GASK1B: variants seen among roughly 807,000 people sequenced by gnomAD.
The protein encoded by GASK1B is golgi associated kinase 1B.
In GASK1B, 34 loss-of-function variants were observed where a neutral mutation model predicts 42.8. The ratio of observed to expected loss-of-function variants is 0.79; its 90% CI spans 0.60 to 1.06. The LOEUF (loss-of-function observed/expected upper bound fraction) is 1.06, where lower values mean the gene tolerates loss of function less well. GASK1B is among the 50% of genes least tolerant of loss of function. The pLI is 0.00. For missense variants in GASK1B, 686 were observed against 661.0 expected (o/e 1.04, Z -0.42); for synonymous variants, 262 against 259.1 (o/e 1.01, Z -0.11).
chr4:158,139,287 T>C (rs985199617), intron 3 of GASK1B, among the ~76,000 whole-genome samples: 4 of 152,202 alleles, frequency 2.6e-5, no homozygotes, highest in African/African-American at 2.4e-5. Context: ...CATTATACTT[T>C]ATACAGTGCA....
intron 3 of GASK1B, among the ~76,000 whole-genome samples, chr4:158,137,415 C>T (rs1003177938): frequency 5.3e-5 from 8 of 152,098 alleles, no homozygotes; most frequent in Non-Finnish European, 7.4e-5. Context: ...CAGTGAGAAT[C>T]GTTATCATTA....
intron 3 of GASK1B, among the ~76,000 whole-genome samples, chr4:158,139,245 A>C (rs73857591): frequency 0.022 from 3,277 of 152,324 alleles, 101 homozygotes; most frequent in African/African-American, 0.073. Context: ...GCCTCTAAGA[A>C]TGATTCACTG....
chr4:158,171,948 T>C (rs1036316932), intron 1 of GASK1B, among the ~76,000 whole-genome samples: 2 of 152,216 alleles, frequency 1.3e-5, no homozygotes, highest in Non-Finnish European at 2.9e-5. Flanking sequence ...TAATACTCTA[T>C]ACCTATACCA....
Position 158,170,804 on chromosome 4 carries a change from C to T in GASK1B, c.572G>A (p.Gly191Glu), listed in dbSNP as rs1298223690. The T allele has an allele frequency of 6.2e-7, 1 of 1,614,084 alleles. No individual in the cohort carries two copies. The highest frequency in any genetic ancestry group is 1.3e-5 in the African/African-American group (1 of 74,942). The change falls in exon 2 of 5, where the codon GGG becomes GAG. Residue 191 changes from glycine to glutamate, a missense_variant. Coordinates refer to ENST00000585682, the MANE Select transcript of GASK1B (RefSeq NM_001128424.2). ...GCTGGGCTGCAGGAAGTCTGGGCCC[C>T]CGGCTCGCACTCCCGGACCCCGCAC... is the stretch of plus-strand genomic sequence containing the variant. Reference protein sequence around the residue: ...RLVRGPGVRAGGPDFLQPSSR... With the variant: ...RLVRGPGVRAEGPDFLQPSSR...
intron 2 of GASK1B, chr4:158,169,934 T>G: frequency 2.9e-6 from 1 of 346,714 alleles, no homozygotes; most frequent in Non-Finnish European, 5.2e-6. Flanking sequence ...TCTTTTTATT[T>G]GTTAAATAAA....
At chr4:158,154,178 A>G (rs1489309209) in intron 3 of GASK1B, among the ~76,000 whole-genome samples, 1 of 151,716 alleles carries the variant, frequency 6.6e-6, no homozygotes, top group East Asian at 1.9e-4. Flanking sequence ...AAAAAAAAAA[A>G]AAAGAAACCA....
chr4:158,149,389 C>T (rs1253040360), intron 3 of GASK1B, among the ~76,000 whole-genome samples: 1 of 152,104 alleles, frequency 6.6e-6, no homozygotes, highest in Admixed American at 6.5e-5. Flanking sequence ...AATGGAGCTT[C>T]CCTCAATAGA....
intron 3 of GASK1B, among the ~76,000 whole-genome samples, chr4:158,131,427 T>C (rs192647573): frequency 6.6e-6 from 1 of 152,320 alleles, no homozygotes. Context: ...AGTTACTTCA[T>C]TGCCACAAAA....
chr4:158,127,913 A>C (rs1730523797), intron 4 of GASK1B, among the ~76,000 whole-genome samples: 1 of 152,194 alleles, frequency 6.6e-6, no homozygotes, highest in Non-Finnish European at 1.5e-5. Flanking sequence ...TTAGATTGGC[A>C]GAAATACTTT....
intron 3 of GASK1B, among the ~76,000 whole-genome samples, chr4:158,144,085 T>G (rs910527232): frequency 2.0e-5 from 3 of 152,186 alleles, no homozygotes; most frequent in Non-Finnish European, 4.4e-5. Flanking sequence ...GATCTGTATA[T>G]GTACTTATTT....
rs568159974 is a variant in GASK1B, at chr4:158,170,154, T to C, written c.910+312A>G. On this transcript the variant is annotated intron_variant, in intron 2 of 4. Coordinates refer to ENST00000585682, the MANE Select transcript of GASK1B (RefSeq NM_001128424.2). ...CCAGCCTAGCTTCCTCTCCTCATCA[T>C]GCAAATTGCCGTTGGCTTTAATTAG... The C allele has an allele frequency of 1.6e-5, 22 of 1,412,020 alleles. No homozygotes were observed. The East Asian group carries it at 4.9e-4, about 32-fold the overall frequency. 87.5% of individuals were successfully genotyped at this position (1,412,020 alleles called of 1,614,324 possible).
In GASK1B at chr4:158,171,265, G is replaced by T. The variant is rs1269154239; in HGVS notation, c.111C>A (p.Asn37Lys). ...TGGCACACGCAGTGCCCAGCAGAAG[G>T]TTTCTCCGGGTCCTTGGACGCCGGC... is the stretch of plus-strand genomic sequence containing the variant. ...WSSRRPRTRR[N>K]LLLGTACAIY... is the part of the protein sequence containing the mutation. Residue 37 changes from asparagine to lysine, a missense_variant, in exon 2 of 5, where the codon AAC becomes AAA. By Grantham distance (94) the Asn-to-Lys change is moderately conservative (BLOSUM62 0). Transcript: ENST00000585682. The T allele has an allele frequency of 6.2e-7, 1 of 1,613,988 alleles. No homozygotes were observed. The highest frequency in any genetic ancestry group is 1.7e-5 in the Admixed American group (1 of 60,030).
At chr4:158,170,103 C>A (rs1732408874) in intron 2 of GASK1B, 1 of 810,080 alleles carries the variant, frequency 1.2e-6, no homozygotes, top group Non-Finnish European at 1.9e-6. Context: ...TAATAGTATG[C>A]CTGACTGTCA....
intron 2 of GASK1B, among the ~76,000 whole-genome samples, chr4:158,160,168 G>GACTT (rs1731917647): frequency 2.0e-5 from 3 of 152,118 alleles, no homozygotes; most frequent in African/African-American, 7.2e-5. Context: ...AAACTTGAGT[G>GACTT]GCATCTTTGT....
chr4:158,139,021 C>T (rs4691462), intron 3 of GASK1B, among the ~76,000 whole-genome samples: 133,844 of 152,188 alleles, frequency 0.88, 60,081 homozygotes, highest in East Asian at 0.98. Context: ...TATAGCACTT[C>T]ACATTAAAAG....
chr4:158,150,824 C>T lies in GASK1B; in HGVS notation c.1125+4787G>A, dbSNP rs980385564. On this transcript the variant is annotated intron_variant, in intron 3 of 4. Coordinates refer to ENST00000585682, the MANE Select transcript of GASK1B (RefSeq NM_001128424.2). ...GAACTTGGTGGCTGCTGACCACCTC[C>T]TTGCCAAGTCAAATGTCTTACTCCC... Among the ~76,000 whole-genome samples the T allele has an allele frequency of 2.6e-5, 4 of 152,140 alleles. No individual in the cohort carries two copies. In the South Asian group the frequency reaches 8.3e-4, roughly 32 times the overall value.
At chr4:158,141,753 C>G (rs1321675640) in intron 3 of GASK1B, among the ~76,000 whole-genome samples, 1 of 149,126 alleles carries the variant, frequency 6.7e-6, no homozygotes, top group African/African-American at 2.5e-5. Context: ...ACTGCAGGCG[C>G]CCACCACCAC....
intron 2 of GASK1B, chr4:158,169,456 G>T (rs547714861): frequency 6.6e-6 from 1 of 152,132 alleles, no homozygotes; most frequent in Non-Finnish European, 1.5e-5. Flanking sequence ...AATGCAGTTG[G>T]GTCTCAGCCA....
intron 2 of GASK1B, among the ~76,000 whole-genome samples, chr4:158,160,746 C>G (rs529888274): frequency 1.3e-5 from 2 of 152,082 alleles, no homozygotes; most frequent in Non-Finnish European, 2.9e-5. Context: ...TGTTTTGTTA[C>G]GTAAACATAA....
Sources: gnomAD v4.1 joint callset for allele counts (sites outside exome capture counted in the v4.1 genomes callset) on GRCh38, gnomAD v4.1.1 for gene constraint, MANE v1.5 for transcripts, NCBI Gene and HGNC (gene_info 2026-07-23, HGNC 2026-07-21) for gene names.